The following PTPRD variants were observed in gnomAD, a reference collection of about 807,000 sequenced individuals.
PTPRD encodes the protein protein tyrosine phosphatase receptor type D, also known as receptor-type tyrosine-protein phosphatase delta.
In PTPRD, 34 loss-of-function variants were observed where a neutral mutation model predicts 214.5. The ratio of observed to expected loss-of-function variants is 0.16; its 90% CI spans 0.12 to 0.21. The LOEUF is 0.21. Among genes scored for constraint, PTPRD ranks in the 10% least tolerant of loss-of-function variants. The probability of loss-of-function intolerance (pLI) is 1.00; values close to 1 mark genes in which losing one functional copy is unlikely to be tolerated. For missense variants in PTPRD, 2,545 were observed against 2,398.7 expected, an observed-to-expected ratio of 1.06 and a Z score of -1.27; for synonymous variants, 1,128 against 845.7, an observed-to-expected ratio of 1.33 and a Z score of -5.79.
chr9:10,070,884 G>T (rs1377330446), intron 3 of PTPRD, among the ~76,000 whole-genome samples: 2 of 151,936 alleles, frequency 1.3e-5, no homozygotes, highest in African/African-American at 4.8e-5. Context: ...ATAGAGTCAT[G>T]AGTCCACAAA....
chr9:9,977,908 AT>A (rs768302338), intron 4 of PTPRD, among the ~76,000 whole-genome samples: 4 of 146,522 alleles, frequency 2.7e-5, no homozygotes, highest in Non-Finnish European at 6.0e-5. Flanking sequence ...ATTTGAAAAA[AT>A]ATATTTAACA....
intron 11 of PTPRD, among the ~76,000 whole-genome samples, chr9:8,944,456 G>A (rs192749961): frequency 2.7e-4 from 41 of 152,206 alleles, no homozygotes; most frequent in Admixed American, 1.3e-3. Flanking sequence ...GCACTCCCAT[G>A]TTTACTGCAG....
chr9:8,473,701 T>C (rs1706305650), intron 30 of PTPRD, among the ~76,000 whole-genome samples: 1 of 152,098 alleles, frequency 6.6e-6, no homozygotes, highest in African/African-American at 2.4e-5. Flanking sequence ...AAAAAATCCA[T>C]TCTTTCTTCG....
At chr9:9,825,370 GAC>G (rs1383932907) in intron 5 of PTPRD, among the ~76,000 whole-genome samples, 1 of 150,864 alleles carries the variant, frequency 6.6e-6, no homozygotes, top group African/African-American at 2.4e-5. Flanking sequence ...CACAGAGAGA[GAC>G]ACAGAGAGAC....
chr9:9,276,539 T>C (rs1260767728), intron 9 of PTPRD, among the ~76,000 whole-genome samples: 1 of 151,274 alleles, frequency 6.6e-6, no homozygotes, highest in Non-Finnish European at 1.5e-5. Context: ...TCCAACAACT[T>C]GTATCATCGT....
In PTPRD at chr9:8,331,755, A is replaced by G. The variant is rs2131660721; in HGVS notation, c.5380-19T>C. ...GGCCGTCCTTTAGAAGGAAAGCCAC[A>G]TACCCGGCCGCAAAGGAAGACGCCA... On this transcript the variant is annotated intron_variant, in intron 43 of 45. Coordinates refer to ENST00000381196, the MANE Select transcript of PTPRD (RefSeq NM_002839.4). The G allele has an allele frequency of 2.6e-6, 4 of 1,556,576 alleles. No homozygotes were observed. Among genetic ancestry groups the G allele is most frequent in the South Asian group, 1.2e-5 (1 of 81,620 alleles).
rs1201497492 is a variant in PTPRD at position 10,498,648 on chromosome 9, CA to C, written c.-600+113749del. Among the ~76,000 whole-genome samples the C allele has an allele frequency of 9.3e-5, 14 of 150,118 alleles. No homozygotes were observed. The South Asian group carries it at 1.7e-3, about 18-fold the overall frequency. ...AATAGATATCTTATAGCCTGAGACA[CA>C]AAAAAAAGGTAAGAACAATTGGTGT... On this transcript the variant is annotated intron_variant, in intron 2 of 45. Transcript: ENST00000381196.
At position 10,184,325 on chromosome 9, in the gene PTPRD, T is replaced by A. The variant is rs181720082; in HGVS notation, c.-544-150535A>T. The stretch of plus-strand genomic sequence containing the variant: ...CTGTAATCCCAGCTGCTCGGGAGGC[T>A]GAGGCATGAGAATCACTTGAACCCG... On this transcript the variant is annotated intron_variant, in intron 3 of 45. Coordinates refer to ENST00000381196, the MANE Select transcript of PTPRD (RefSeq NM_002839.4). Among the ~76,000 whole-genome samples the A allele has an allele frequency of 3.4e-4, 51 of 152,190 alleles. No individual in the cohort carries two copies. The East Asian group carries it at 7.1e-3, about 21-fold the overall frequency.
At chr9:10,363,972 A>G (rs1361465768) in intron 2 of PTPRD, among the ~76,000 whole-genome samples, 1 of 109,328 alleles carries the variant, frequency 9.1e-6, no homozygotes, top group Non-Finnish European at 1.9e-5. Flanking sequence ...TACTATTATT[A>G]TTGCCTCCAC....
chr9:8,922,373 A>G (rs1399855520), intron 11 of PTPRD, among the ~76,000 whole-genome samples: 2 of 152,240 alleles, frequency 1.3e-5, no homozygotes, highest in Non-Finnish European at 2.9e-5. Flanking sequence ...CCAAATATCT[A>G]CACATGCACA....
intron 4 of PTPRD, among the ~76,000 whole-genome samples, chr9:9,948,865 T>C (rs990707067): frequency 6.6e-6 from 1 of 151,944 alleles, no homozygotes; most frequent in Non-Finnish European, 1.5e-5. Context: ...AAAAGATAAT[T>C]GCAAAGAACA....
intron 2 of PTPRD, among the ~76,000 whole-genome samples, chr9:10,366,836 T>C (rs1229148874): frequency 2.0e-5 from 3 of 152,164 alleles, no homozygotes; most frequent in Admixed American, 6.5e-5. Context: ...AAAACTGACT[T>C]TGTGAAAACA....
chr9:9,424,136 C>A (rs1024930384), intron 8 of PTPRD, among the ~76,000 whole-genome samples: 2 of 152,174 alleles, frequency 1.3e-5, no homozygotes, highest in African/African-American at 4.8e-5. Flanking sequence ...AGATCTGGAC[C>A]ACTTGAAGGG....
chr9:9,775,707 G>C lies in PTPRD; in HGVS notation c.-367-8856C>G, dbSNP rs373941450. On this transcript the variant is annotated intron_variant, in intron 5 of 45. Coordinates refer to ENST00000381196, the MANE Select transcript of PTPRD (RefSeq NM_002839.4). The stretch of plus-strand genomic sequence containing the variant: ...GCCTGTAATCCCAGCACTTTGGGAG[G>C]CCAAGGCGGGTGGATCACGAGGTCA... 2.9e-3 allele frequency among the ~76,000 whole-genome samples: 443 copies of C among 152,242 alleles called. 3 individuals are homozygous for C. The highest frequency in any genetic ancestry group is 0.01 in the African/African-American group (420 of 41,548).
chr9:9,890,340 G>A (rs2072815951), intron 5 of PTPRD, among the ~76,000 whole-genome samples: 1 of 151,614 alleles, frequency 6.6e-6, no homozygotes, highest in Non-Finnish European at 1.5e-5. Context: ...GTAACTACAA[G>A]TGTTCCCTCC....
At chr9:9,720,680 C>A (rs951631674) in intron 7 of PTPRD, among the ~76,000 whole-genome samples, 2 of 152,070 alleles carry the variant, frequency 1.3e-5, no homozygotes, top group Admixed American at 1.3e-4. Flanking sequence ...TGTTCATAAA[C>A]ATACATACAC....
chr9:9,671,266 C>T (rs1435194061), intron 7 of PTPRD, among the ~76,000 whole-genome samples: 1 of 152,116 alleles, frequency 6.6e-6, no homozygotes, highest in East Asian at 1.9e-4. Context: ...CCTGTAACCC[C>T]TTTGTTTTGG....
chr9:9,015,885 G>C (rs77869128), intron 11 of PTPRD, among the ~76,000 whole-genome samples: 1 of 151,988 alleles, frequency 6.6e-6, no homozygotes, highest in Non-Finnish European at 1.5e-5. Flanking sequence ...GAAAATCAGG[G>C]GCACAAACTT....
At chr9:8,474,201 C>A (rs1257559072) in intron 30 of PTPRD, among the ~76,000 whole-genome samples, 2 of 152,052 alleles carry the variant, frequency 1.3e-5, no homozygotes, top group South Asian at 2.1e-4. Context: ...GTAACAAACC[C>A]CTTCTTTTTT....
Sources: allele counts gnomAD v4.1 joint callset (sites outside exome capture counted in the v4.1 genomes callset), GRCh38; gene constraint gnomAD v4.1.1; transcripts MANE v1.5; gene names NCBI Gene and HGNC (gene_info 2026-07-23, HGNC 2026-07-21).